PDE4B: variants seen among roughly 807,000 people sequenced by gnomAD.
PDE4B encodes 3',5'-cyclic-AMP phosphodiesterase 4B.
In PDE4B, 20 loss-of-function variants were observed where a neutral mutation model predicts 82.2. The observed-to-expected ratio is 0.24, with a 90% CI of 0.17 to 0.35. The LOEUF (loss-of-function observed/expected upper bound fraction) is 0.35, where lower values mean the gene tolerates loss of function less well. Ranked by LOEUF, PDE4B falls within the 10% of genes least tolerant of loss-of-function variation. PDE4B has a pLI of 1.00. For missense variants in PDE4B, 655 were observed against 907.2 expected (o/e 0.72, Z 3.57); for synonymous variants, 320 against 318.9 (o/e 1.00, Z -0.04).
chr1:65,831,162 G>A (rs886843419), intron 1 of PDE4B, among the ~76,000 whole-genome samples: 39 of 151,746 alleles, frequency 2.6e-4, no homozygotes, highest in Non-Finnish European at 3.5e-4. Flanking sequence ...TAAAAACAAA[G>A]CAAGCAGAAG....
At chr1:66,204,727 T>C (rs915096771) in intron 3 of PDE4B, among the ~76,000 whole-genome samples, 41 of 152,168 alleles carry the variant, frequency 2.7e-4, no homozygotes, top group Non-Finnish European at 5.3e-4. Flanking sequence ...AGTGACCCGA[T>C]TTTCCAGGTG....
At chr1:66,020,092 A>C (rs1653005474) in intron 3 of PDE4B, among the ~76,000 whole-genome samples, 1 of 152,194 alleles carries the variant, frequency 6.6e-6, no homozygotes, top group African/African-American at 2.4e-5. Context: ...TTCTTTCAAA[A>C]GTTTGCATTA....
intron 1 of PDE4B, among the ~76,000 whole-genome samples, chr1:65,816,153 T>C (rs1645880815): frequency 6.6e-6 from 1 of 151,596 alleles, no homozygotes; most frequent in African/African-American, 2.4e-5. Flanking sequence ...TTAAAATCAG[T>C]GTGATTCCTG....
chr1:66,361,600 C>A lies in PDE4B; in HGVS notation c.842-15C>A. ...GACACATGTGCTGAAAAACATATTC[C>A]TTTGTCTGTTGCAGACAAGCAGAAT... On this transcript the variant is annotated splice_polypyrimidine_tract_variant and intron_variant, in intron 9 of 16. Transcript: ENST00000341517. 1.2e-6 allele frequency: 2 copies of A among 1,605,658 alleles called. No individual in the cohort carries two copies. The highest frequency in any genetic ancestry group is 1.7e-6 in the Non-Finnish European group (2 of 1,175,198).
chr1:65,823,538 A>G (rs1216960335), intron 1 of PDE4B, among the ~76,000 whole-genome samples: 1 of 151,158 alleles, frequency 6.6e-6, no homozygotes, highest in African/African-American at 2.4e-5. Flanking sequence ...GGCCCTTGCC[A>G]TGTTATAACG....
intron 3 of PDE4B, among the ~76,000 whole-genome samples, chr1:65,923,431 T>C (rs895847981): frequency 6.6e-6 from 1 of 152,244 alleles, no homozygotes. Flanking sequence ...TTTGTTTTTG[T>C]GTATTTTAGT....
intron 7 of PDE4B, among the ~76,000 whole-genome samples, chr1:66,324,320 T>A (rs936233294): frequency 1.3e-5 from 2 of 152,158 alleles, no homozygotes; most frequent in African/African-American, 2.4e-5. Flanking sequence ...TTTTCCCATC[T>A]TCCCCTCTCA....
intron 3 of PDE4B, among the ~76,000 whole-genome samples, chr1:66,121,817 A>G (rs1645714745): frequency 1.3e-5 from 2 of 152,194 alleles, no homozygotes; most frequent in Admixed American, 6.5e-5. Context: ...TATGCTCAAC[A>G]ACTTATTAGC....
intron 5 of PDE4B, 54 bp downstream of exon 5, chr1:66,257,737 G>A: frequency 6.2e-7 from 1 of 1,607,396 alleles, no homozygotes; most frequent in South Asian, 1.1e-5. Flanking sequence ...TTCTAAGTCT[G>A]AACCTGGCCA....
intron 3 of PDE4B, among the ~76,000 whole-genome samples, chr1:66,023,587 G>A (rs990495428): frequency 3.3e-5 from 5 of 152,102 alleles, no homozygotes; most frequent in Non-Finnish European, 7.4e-5. Flanking sequence ...GCATTCAGGT[G>A]GAAGAGGGAA....
intron 3 of PDE4B, among the ~76,000 whole-genome samples, chr1:65,943,437 G>A (rs1643032993): frequency 6.6e-6 from 1 of 151,978 alleles, no homozygotes; most frequent in East Asian, 1.9e-4. Context: ...GTAGTGTGGT[G>A]CCTTCAGCTT....
chr1:66,342,580 A>C (rs1396930937), intron 8 of PDE4B, among the ~76,000 whole-genome samples: 1 of 151,274 alleles, frequency 6.6e-6, no homozygotes, highest in East Asian at 1.9e-4. Flanking sequence ...AAAAGAAAAA[A>C]AATTAGCTGG....
chr1:65,908,927 C>T (rs1213838795), intron 1 of PDE4B, among the ~76,000 whole-genome samples: 2 of 152,056 alleles, frequency 1.3e-5, no homozygotes, highest in Non-Finnish European at 2.9e-5. Flanking sequence ...TACTCTGCCA[C>T]AATATAGAAA....
intron 15 of PDE4B, 101 bp downstream of exon 15, chr1:66,368,166 C>T (rs1663388656): frequency 3.3e-6 from 4 of 1,220,558 alleles, no homozygotes; most frequent in Non-Finnish European, 4.6e-6. Context: ...ATTGGTATAT[C>T]CTAGGCTACT....
chr1:65,975,641 A>G lies in PDE4B; in HGVS notation c.281+56806A>G, dbSNP rs944196739. On this transcript the variant is annotated intron_variant, in intron 3 of 16. Transcript: ENST00000341517. The stretch of plus-strand genomic sequence containing the variant: ...GTAGGAGGGAAAAATGGTTTTGTGG[A>G]CCTGGCCCAGGGCCCTGTTGCTGTC... 2.6e-5 allele frequency among the ~76,000 whole-genome samples: 4 copies of G among 152,234 alleles called. No individual in the cohort carries two copies. The East Asian group carries it at 7.7e-4, about 29-fold the overall frequency.
At chr1:66,084,995 G>T (rs1046540791) in intron 3 of PDE4B, among the ~76,000 whole-genome samples, 1 of 152,280 alleles carries the variant, frequency 6.6e-6, no homozygotes, top group Non-Finnish European at 1.5e-5. Context: ...ACTTAGGGAT[G>T]TGCTGGTTCA....
At chr1:65,870,858 G>T (rs375055829) in intron 1 of PDE4B, among the ~76,000 whole-genome samples, 14 of 152,292 alleles carry the variant, frequency 9.2e-5, no homozygotes, top group African/African-American at 3.4e-4. Context: ...ACTTAGGTAG[G>T]TCCAGGTAAT....
chr1:66,214,081 AAC>A (rs1249696638), intron 3 of PDE4B, among the ~76,000 whole-genome samples: 4 of 152,316 alleles, frequency 2.6e-5, no homozygotes, highest in Non-Finnish European at 4.4e-5. Context: ...TGTGGCAAGA[AAC>A]ACACTATGAT....
chr1:65,970,998 C>T (rs1365316840), intron 3 of PDE4B, among the ~76,000 whole-genome samples: 1 of 150,370 alleles, frequency 6.7e-6, no homozygotes, highest in Non-Finnish European at 1.5e-5. Context: ...GGCTAAAGAG[C>T]TTCTGGAGAG....
Sources: allele counts gnomAD v4.1 joint callset (sites outside exome capture counted in the v4.1 genomes callset), GRCh38; gene constraint gnomAD v4.1.1; transcripts MANE v1.5; gene names NCBI Gene and HGNC (gene_info 2026-07-23, HGNC 2026-07-21).